Variants in LONRF3 observed in about 807,000 individuals in gnomAD.
The protein encoded by LONRF3 is LON peptidase N-terminal domain and RING finger protein 3.
A neutral mutation model predicts 51.7 loss-of-function variants in LONRF3; 19 were observed. The ratio of observed to expected loss-of-function variants is 0.37; its 90% CI spans 0.26 to 0.54. The LOEUF (loss-of-function observed/expected upper bound fraction) is 0.54. Ranked by LOEUF, LONRF3 falls within the 20% of genes least tolerant of loss-of-function variation. The probability of loss-of-function intolerance (pLI) is 0.86; values close to 1 mark genes in which losing one functional copy is unlikely to be tolerated. For synonymous variants in LONRF3, 265 were observed against 257.8 expected (o/e 1.03, Z -0.27); for missense variants, 521 against 623.9 (o/e 0.84, Z 1.76).
rs1312277321 is a variant in LONRF3 at position 118,982,806 on chromosome X, A to G, written c.937-15A>G. 1.1e-5 allele frequency: 13 copies of G among 1,209,165 alleles called. No homozygotes were observed. The highest frequency in any genetic ancestry group is 1.5e-5 in the Non-Finnish European group (13 of 894,523). ...GCTGAATAAAATGGGATTGAATGCT[A>G]ATGTTTCCTTCCAGGCACATTTCAG... On this transcript the variant is annotated splice_polypyrimidine_tract_variant and intron_variant, in intron 2 of 10. Transcript: ENST00000371628.
At chrX:119,006,610 C>T (rs1352712400) in intron 6 of LONRF3, among the ~76,000 whole-genome samples, 4 of 89,276 alleles carry the variant, frequency 4.5e-5, no homozygotes, top group Non-Finnish European at 9.4e-5. Context: ...TTTGTTGAGA[C>T]GGAGTCTCGC....
intron 3 of LONRF3, among the ~76,000 whole-genome samples, chrX:118,987,481 C>T (rs985282671): frequency 1.5e-4 from 5 of 32,730 alleles, no homozygotes; most frequent in East Asian, 2.2e-3. Context: ...TTTGTAGAGA[C>T]GGGGTTTCAC....
intron 6 of LONRF3, 145 bp downstream of exon 6, chrX:119,006,380 A>G: frequency 3.1e-6 from 1 of 322,514 alleles, no homozygotes; most frequent in Admixed American, 5.3e-5. Flanking sequence ...CCCTCAAACC[A>G]TCTATTTCTC....
chrX:118,996,118 G>GT (rs1923852415), intron 5 of LONRF3, among the ~76,000 whole-genome samples: 1 of 112,247 alleles, frequency 8.9e-6, no homozygotes. Context: ...GCTGGATTTT[G>GT]TTTAATGATT....
At position 119,004,313 on chromosome X, in the gene LONRF3, T is replaced by G. The variant is rs188839248; in HGVS notation, c.1416-1808T>G. ...CAAAAAGTTGAATACATGAAAAGTC[T>G]CTCTCCTCCTCCAGACCTCCATTGG... On this transcript the variant is annotated intron_variant, in intron 5 of 10. Coordinates refer to ENST00000371628, the MANE Select transcript of LONRF3 (RefSeq NM_001031855.3). 2.3e-3 allele frequency among the ~76,000 whole-genome samples: 264 copies of G among 112,434 alleles called. 2 individuals carry two copies. Among genetic ancestry groups the G allele is most frequent in the African/African-American group, 8.2e-3 (253 of 30,983 alleles).
At chrX:118,996,071 A>G (rs1468392172) in intron 5 of LONRF3, among the ~76,000 whole-genome samples, 2 of 112,492 alleles carry the variant, frequency 1.8e-5, no homozygotes, top group East Asian at 5.6e-4. Context: ...TGTCCCTTGT[A>G]TGCTGATTTT....
chrX:118,975,759 G>A (rs1181021807), intron 1 of LONRF3, among the ~76,000 whole-genome samples, 162 bp downstream of exon 1: 1 of 109,638 alleles, frequency 9.1e-6, no homozygotes, highest in Non-Finnish European at 1.9e-5. Flanking sequence ...CTGGGGCTGG[G>A]TCTCTGAGTT....
At chrX:118,978,714 C>T (rs1393816443) in intron 2 of LONRF3, among the ~76,000 whole-genome samples, 1 of 111,548 alleles carries the variant, frequency 9.0e-6, no homozygotes, top group East Asian at 2.8e-4. Context: ...CTAGAATATG[C>T]ACTTGGGAGC....
intron 5 of LONRF3, among the ~76,000 whole-genome samples, chrX:119,005,724 G>A (rs996289540): frequency 5.4e-5 from 6 of 111,655 alleles, no homozygotes; most frequent in African/African-American, 2.0e-4. Flanking sequence ...GAATGTGTGT[G>A]CGTGTGTGTG....
At chrX:118,979,069 C>T (rs6646306) in intron 2 of LONRF3, among the ~76,000 whole-genome samples, 1,304 of 100,277 alleles carry the variant, frequency 0.013, 31 homozygotes, top group East Asian at 0.13. Context: ...GGCGCAATCT[C>T]GGCTCACTGC....
intron 9 of LONRF3, among the ~76,000 whole-genome samples, chrX:119,013,601 G>T (rs1464384202): frequency 8.9e-6 from 1 of 111,987 alleles, no homozygotes; most frequent in Non-Finnish European, 1.9e-5. Context: ...ACATGCATTT[G>T]TATTTTAAAG....
In LONRF3 at chrX:118,975,399, G is replaced by T; in HGVS notation, c.619G>T (p.Gly207Trp). 1 of 1,201,835 alleles carries T rather than the reference G, an allele frequency of 8.3e-7. No individual in the cohort carries two copies. The highest frequency in any genetic ancestry group is 1.1e-6 in the Non-Finnish European group (1 of 890,762). The change falls in exon 1 of 11, where the codon GGG becomes TGG. Residue 207 changes from glycine (G) to tryptophan (W), a missense_variant. By Grantham distance (184) the Gly-to-Trp change is radical. This residue lies in a region of LONRF3 where 376 missense variants were observed against 376.7 expected (regional missense o/e 1.00). Coordinates refer to ENST00000371628, the MANE Select transcript of LONRF3 (RefSeq NM_001031855.3). ...VKLSALMVAT[G>W]RARGARRAGQ... ...GCTCTCCGCCTTGATGGTGGCCACTGGGCGGGCGCGTGGAGCCCGGCGGGC... is the reference window on the plus strand; with the variant it reads ...GCTCTCCGCCTTGATGGTGGCCACTTGGCGGGCGCGTGGAGCCCGGCGGGC...
At chrX:118,992,729 C>T (rs1273201620) in intron 5 of LONRF3, among the ~76,000 whole-genome samples, 2 of 111,514 alleles carry the variant, frequency 1.8e-5, no homozygotes, top group Non-Finnish European at 3.8e-5. Context: ...AAAAATAGAG[C>T]ATTAAACCAC....
At chrX:119,012,012 A>G in intron 8 of LONRF3, 39 bp downstream of exon 8, 1 of 1,196,881 alleles carries the variant, frequency 8.4e-7, no homozygotes, top group East Asian at 3.0e-5. Context: ...AGGTTGTGTA[A>G]TGAGGGATTT....
chrX:118,998,903 AC>A (rs771881860), intron 5 of LONRF3, among the ~76,000 whole-genome samples: 6 of 111,184 alleles, frequency 5.4e-5, no homozygotes, highest in Non-Finnish European at 7.5e-5. Flanking sequence ...CAGGTGATCC[AC>A]CCGCCTTGGC....
At chrX:118,986,006 G>A (rs1448672244) in intron 3 of LONRF3, among the ~76,000 whole-genome samples, 4 of 107,175 alleles carry the variant, frequency 3.7e-5, no homozygotes, top group Admixed American at 3.1e-4. Flanking sequence ...GGTTTTAGAA[G>A]CAAAGTCACC....
intron 10 of LONRF3, among the ~76,000 whole-genome samples, chrX:119,017,156 C>T (rs1202637962): frequency 9.0e-6 from 1 of 111,708 alleles, no homozygotes; most frequent in African/African-American, 3.3e-5. Context: ...CTCCCTCATC[C>T]TCTTGATTGA....
At chrX:118,994,035 G>T (rs1292357515) in intron 5 of LONRF3, among the ~76,000 whole-genome samples, 1 of 112,087 alleles carries the variant, frequency 8.9e-6, no homozygotes, top group Non-Finnish European at 1.9e-5. Context: ...TCTAAATCTT[G>T]AAACAAATCC....
At chrX:118,991,428 GC>G in intron 5 of LONRF3, among the ~76,000 whole-genome samples, 1 of 111,426 alleles carries the variant, frequency 9.0e-6, no homozygotes, top group East Asian at 2.8e-4. Context: ...GGCCTGACTA[GC>G]TTTTGTTTTG....
Sources: gnomAD v4.1 joint callset for allele counts (sites outside exome capture counted in the v4.1 genomes callset) on GRCh38, gnomAD v4.1.1 for gene constraint, gnomAD v4.1.1 regional missense constraint, MANE v1.5 for transcripts, NCBI Gene and HGNC (gene_info 2026-07-23, HGNC 2026-07-21) for gene names.